The following PTPRD variants were observed in gnomAD, a reference collection of about 807,000 sequenced individuals.
The protein encoded by PTPRD is protein tyrosine phosphatase receptor type D, also known as receptor-type tyrosine-protein phosphatase delta.
In PTPRD, 34 loss-of-function variants were observed where a neutral mutation model predicts 214.5. The observed-to-expected ratio is 0.16, with a 90% confidence interval of 0.12 to 0.21. PTPRD has a LOEUF of 0.21. Among genes scored for constraint, PTPRD ranks in the 10% least tolerant of loss-of-function variants. The pLI is 1.00. For missense variants in PTPRD, 2,545 were observed against 2,398.7 expected (o/e 1.06, Z -1.27); for synonymous variants, 1,128 against 845.7 (o/e 1.33, Z -5.79).
intron 3 of PTPRD, among the ~76,000 whole-genome samples, chr9:10,142,456 T>C (rs2098992694): frequency 6.6e-6 from 1 of 152,058 alleles, no homozygotes; most frequent in South Asian, 2.1e-4. Flanking sequence ...CATCAAAAAG[T>C]GGGCAAAGGA....
intron 3 of PTPRD, among the ~76,000 whole-genome samples, chr9:10,225,055 G>A (rs1191288894): frequency 6.6e-6 from 1 of 151,800 alleles, no homozygotes; most frequent in Non-Finnish European, 1.5e-5. Flanking sequence ...ACTGTGTGAG[G>A]GTCAGCACTT....
intron 2 of PTPRD, among the ~76,000 whole-genome samples, chr9:10,609,806 A>G (rs2080474165): frequency 6.6e-6 from 1 of 152,254 alleles, no homozygotes. Context: ...AGTTCCATAA[A>G]ATATAAGACC....
chr9:9,692,383 T>C (rs1464255220), intron 7 of PTPRD, among the ~76,000 whole-genome samples: 2 of 152,058 alleles, frequency 1.3e-5, no homozygotes, highest in African/African-American at 4.8e-5. Context: ...TTGAAGAGAC[T>C]GTCTTTTCCC....
At chr9:9,455,668 G>A (rs1168923904) in intron 8 of PTPRD, among the ~76,000 whole-genome samples, 1 of 151,544 alleles carries the variant, frequency 6.6e-6, no homozygotes, top group African/African-American at 2.4e-5. Flanking sequence ...CTTTCCCAAA[G>A]AAGCAAAGAA....
chr9:10,394,454 T>C (rs2098131274), intron 2 of PTPRD, among the ~76,000 whole-genome samples: 1 of 151,684 alleles, frequency 6.6e-6, no homozygotes, highest in African/African-American at 2.4e-5. Flanking sequence ...TATCACTTAG[T>C]AGCAGTATGA....
At chr9:10,208,993 A>C (rs561637826) in intron 3 of PTPRD, among the ~76,000 whole-genome samples, 1 of 152,336 alleles carries the variant, frequency 6.6e-6, no homozygotes, top group African/African-American at 2.4e-5. Flanking sequence ...TCAGTTTTCT[A>C]AACTTTGAAC....
At chr9:8,473,750 A>C (rs1020362401) in intron 30 of PTPRD, among the ~76,000 whole-genome samples, 1 of 152,074 alleles carries the variant, frequency 6.6e-6, no homozygotes, top group Non-Finnish European at 1.5e-5. Flanking sequence ...TGTGGCTGGG[A>C]TAAGAATTGA....
chr9:8,492,556 T>C (rs745664174), intron 27 of PTPRD, among the ~76,000 whole-genome samples: 4 of 150,088 alleles, frequency 2.7e-5, no homozygotes, highest in Non-Finnish European at 5.9e-5. Flanking sequence ...TCTTGTTCTG[T>C]TTTGTTGATT....
intron 2 of PTPRD, among the ~76,000 whole-genome samples, chr9:10,425,421 T>C (rs192946676): frequency 2.0e-5 from 3 of 151,964 alleles, no homozygotes; most frequent in African/African-American, 2.4e-5. Context: ...TGTGAAAACA[T>C]AGAGCAACCT....
intron 8 of PTPRD, among the ~76,000 whole-genome samples, chr9:9,428,324 C>T (rs1321344584): frequency 1.3e-5 from 2 of 152,106 alleles, no homozygotes; most frequent in South Asian, 2.1e-4. Flanking sequence ...AAGGCCATTA[C>T]ATAATGGTAA....
At chr9:9,035,231 G>A (rs2099617818) in intron 10 of PTPRD, among the ~76,000 whole-genome samples, 1 of 152,022 alleles carries the variant, frequency 6.6e-6, no homozygotes, top group Non-Finnish European at 1.5e-5. Flanking sequence ...AAAAACAGGA[G>A]GCTTAATTCC....
chr9:9,378,471 C>T (rs994829394), intron 9 of PTPRD, among the ~76,000 whole-genome samples: 4 of 152,260 alleles, frequency 2.6e-5, no homozygotes, highest in East Asian at 1.9e-4. Context: ...ATGAATAATG[C>T]TGTTATAAAC....
At chr9:9,106,752 A>C (rs1020172613) in intron 10 of PTPRD, among the ~76,000 whole-genome samples, 3 of 152,128 alleles carry the variant, frequency 2.0e-5, no homozygotes, top group Non-Finnish European at 4.4e-5. Flanking sequence ...AAAAAATTTC[A>C]ATACATGATA....
At chr9:10,509,389 G>A (rs998758874) in intron 2 of PTPRD, among the ~76,000 whole-genome samples, 12 of 150,594 alleles carry the variant, frequency 8.0e-5, no homozygotes, top group Non-Finnish European at 1.6e-4. Context: ...CTTATGTTAC[G>A]GTTATTTTAC....
chr9:9,015,100 A>T (rs1333445498), intron 11 of PTPRD, among the ~76,000 whole-genome samples: 1 of 152,142 alleles, frequency 6.6e-6, no homozygotes, highest in Non-Finnish European at 1.5e-5. Context: ...TAACTAAATT[A>T]ACTAGATAGC....
intron 11 of PTPRD, among the ~76,000 whole-genome samples, chr9:8,918,535 G>A (rs1203484582): frequency 6.6e-6 from 1 of 152,080 alleles, no homozygotes; most frequent in Non-Finnish European, 1.5e-5. Flanking sequence ...GTGATACTGA[G>A]CAGCACTACG....
chr9:10,494,290 C>A (rs2041330818), intron 2 of PTPRD, among the ~76,000 whole-genome samples: 1 of 151,752 alleles, frequency 6.6e-6, no homozygotes. Flanking sequence ...TAATCAAATT[C>A]TCTGATTACA....
intron 3 of PTPRD, among the ~76,000 whole-genome samples, chr9:10,094,902 A>T (rs2098467760): frequency 6.6e-6 from 1 of 151,460 alleles, no homozygotes; most frequent in African/African-American, 2.4e-5. Flanking sequence ...TTCAAAAGCA[A>T]GAATATTAGC....
In PTPRD at chr9:10,370,382, C is replaced by T. The variant is rs542923414; in HGVS notation, c.-599-29365G>A. Among the ~76,000 whole-genome samples, 11 of 152,114 alleles carry T rather than the reference C, an allele frequency of 7.2e-5. No homozygotes were observed. The East Asian group carries it at 1.7e-3, about 24-fold the overall frequency. On this transcript the variant is annotated intron_variant, in intron 2 of 45. Coordinates refer to ENST00000381196, the MANE Select transcript of PTPRD (RefSeq NM_002839.4). ...TTTAATTTTCAGCGGAAGACACTAA[C>T]GCTGTGAAATATTTTCCTTTCTTGG...
Sources: gnomAD v4.1 joint callset for allele counts (sites outside exome capture counted in the v4.1 genomes callset) on GRCh38, gnomAD v4.1.1 for gene constraint, MANE v1.5 for transcripts, NCBI Gene and HGNC (gene_info 2026-07-23, HGNC 2026-07-21) for gene names.